The following HEATR3 variants were observed in gnomAD, a reference collection of about 807,000 sequenced individuals.
HEATR3 encodes HEAT repeat containing 3, also known as HEAT repeat-containing protein 3.
A neutral mutation model predicts 72.8 loss-of-function variants in HEATR3; 56 were observed. The ratio of observed to expected loss-of-function variants is 0.77; its 90% confidence interval spans 0.62 to 0.96. HEATR3 has a LOEUF of 0.96. Ranked by LOEUF, HEATR3 falls within the 40% of genes least tolerant of loss-of-function variation. HEATR3 has a pLI of 0.00. For missense variants in HEATR3, 747 were observed against 831.4 expected (o/e 0.90, Z 1.25); for synonymous variants, 331 against 318.1 (o/e 1.04, Z -0.43).
chr16:50,096,324 C>CA lies in HEATR3; in HGVS notation c.1599+1552dup, dbSNP rs59995532. ...TAGGCGATAGAGCAAGACTCCGTCT[C>CA]AAAAAAAAAAAAAAAAAAAAACAGA... On this transcript the variant is annotated intron_variant, in intron 12 of 14. Coordinates refer to ENST00000299192, the MANE Select transcript of HEATR3 (RefSeq NM_182922.4). 3.4e-3 allele frequency among the ~76,000 whole-genome samples: 293 copies of CA among 86,752 alleles called. 4 individuals are homozygous for CA. Among genetic ancestry groups the CA allele is most frequent in the African/African-American group, 0.01 (228 of 22,488 alleles). 56.9% of individuals were successfully genotyped at this position (86,752 alleles called of 152,430 possible).
At chr16:50,080,000 G>C (rs1016465033) in intron 7 of HEATR3, 2 of 152,586 alleles carry the variant, frequency 1.3e-5, no homozygotes, top group East Asian at 1.9e-4. Context: ...CACCTGGGGC[G>C]TCATAAAGGA....
chr16:50,084,407 T>C (rs1230723350), intron 9 of HEATR3, 116 bp downstream of exon 9: 2 of 1,324,700 alleles, frequency 1.5e-6, no homozygotes, highest in African/African-American at 2.9e-5. Context: ...GGTGGTAAGA[T>C]CTGAGACAAA....
At chr16:50,089,028 G>C (rs2150615250) in intron 11 of HEATR3, among the ~76,000 whole-genome samples, 1 of 152,280 alleles carries the variant, frequency 6.6e-6, no homozygotes, top group South Asian at 2.1e-4. Flanking sequence ...ACTCAGATAT[G>C]TTTCTCTTGG....
Position 50,070,298 on chromosome 16 carries a change from G to GCC in HEATR3, c.512+9_512+10dup. The GCC allele has an allele frequency of 7.2e-7, 1 of 1,398,520 alleles. No homozygotes were observed. Among genetic ancestry groups the GCC allele is most frequent in the Non-Finnish European group, 1.0e-6 (1 of 986,248 alleles). The allele number at this position is 1,398,520 out of a possible 1,614,324, so 86.6% of individuals were successfully genotyped here. A position where few individuals can be genotyped will look rare whatever the true frequency, so the allele number is the denominator to read the frequency against. On this transcript the variant is annotated intron_variant, in intron 4 of 14. Transcript: ENST00000299192. ...CGTGCTGTGGAATATATGGTAAGAT[G>GCC]CCTACCAAACACAGTCTCCTGCTAT...
At chr16:50,094,393 C>T (rs1189916314) in intron 11 of HEATR3, among the ~76,000 whole-genome samples, 1 of 152,194 alleles carries the variant, frequency 6.6e-6, no homozygotes, top group Non-Finnish European at 1.5e-5. Flanking sequence ...TCTGCAAAAG[C>T]TAGCTTAGGT....
intron 11 of HEATR3, among the ~76,000 whole-genome samples, chr16:50,092,422 T>TTTTTTTTC (rs1555503191): frequency 1.8e-5 from 2 of 111,458 alleles, no homozygotes; most frequent in Non-Finnish European, 1.7e-5. Context: ...GTCATTCTTT[T>TTTTTTTTC]TTTTTTCTTT....
intron 3 of HEATR3, chr16:50,069,294 G>A (rs968685053): frequency 1.8e-5 from 3 of 164,756 alleles, no homozygotes; most frequent in African/African-American, 7.2e-5. Flanking sequence ...ATTACAGTAA[G>A]TTCTCATGTT....
rs1348652132 is a variant in HEATR3, at chr16:50,075,657, C to G, written c.709C>G (p.Leu237Val). Residue 237 changes from leucine to valine, a missense_variant, in exon 6 of 15, where the codon CTG becomes GTG. Physicochemically the swap from Leu to Val is conservative, Grantham distance 32. Coordinates refer to ENST00000299192, the MANE Select transcript of HEATR3 (RefSeq NM_182922.4). ...ATALNMLESA[L>V]LSPVSSMESL... ...AGCATTGAACATGCTGGAATCAGCACTGCTTTCTCCTGTCAGTTCCATGGA... is the reference window on the plus strand; with the variant it reads ...AGCATTGAACATGCTGGAATCAGCAGTGCTTTCTCCTGTCAGTTCCATGGA... The G allele has an allele frequency of 1.2e-6, 2 of 1,613,910 alleles. No individual in the cohort carries two copies. The highest frequency in any genetic ancestry group is 1.7e-6 in the Non-Finnish European group (2 of 1,179,850).
intron 11 of HEATR3, among the ~76,000 whole-genome samples, chr16:50,092,436 C>CTTTTTTCTTTTTTTTTTTTTT: frequency 9.4e-6 from 1 of 106,028 alleles, no homozygotes; most frequent in Non-Finnish European, 1.8e-5. Context: ...TTTCTTTTTT[C>CTTTTTTCTTTTTTTTTTTTTT]TTTTTTTTTT....
intron 11 of HEATR3, 64 bp from the exon 12 acceptor site, chr16:50,094,641 T>C: frequency 1.1e-6 from 1 of 895,424 alleles, no homozygotes. Flanking sequence ...GTTTTGTTTG[T>C]TGCTTCTACA....
At chr16:50,096,256 C>T (rs1597172786) in intron 12 of HEATR3, among the ~76,000 whole-genome samples, 1 of 129,350 alleles carries the variant, frequency 7.7e-6, no homozygotes, top group African/African-American at 2.9e-5. Context: ...ACCTGGGAGG[C>T]GGAAGTTGCA....
chr16:50,090,158 C>G (rs1341504800), intron 11 of HEATR3, among the ~76,000 whole-genome samples: 1 of 152,018 alleles, frequency 6.6e-6, no homozygotes, highest in African/African-American at 2.4e-5. Flanking sequence ...AGTTTAAGAC[C>G]AGCCTGGGCA....
intron 5 of HEATR3, chr16:50,073,805 A>G (rs2036664218): frequency 6.6e-6 from 1 of 152,162 alleles, no homozygotes; most frequent in Non-Finnish European, 1.5e-5. Context: ...CGTTTTTGAA[A>G]TGGATTAGAA....
rs2037499470 is a variant in HEATR3 at position 50,106,971 on chromosome 16, C to A, written c.*1910C>A. Among the ~76,000 whole-genome samples, 2 of 152,046 alleles carry A rather than the reference C, an allele frequency of 1.3e-5. No homozygotes were observed. Among genetic ancestry groups the A allele is most frequent in the Admixed American group, 1.3e-4 (2 of 15,244 alleles). The stretch of plus-strand genomic sequence containing the variant: ...ATACAACACCTCGCTTTATTATGGT[C>A]CTTGCTCATGAATTTTAAGGTATAT... On this transcript the variant is annotated 3_prime_UTR_variant, in exon 15 of 15. Coordinates refer to ENST00000299192, the MANE Select transcript of HEATR3 (RefSeq NM_182922.4).
At chr16:50,083,474 G>A (rs1207012277) in intron 7 of HEATR3, among the ~76,000 whole-genome samples, 2 of 152,152 alleles carry the variant, frequency 1.3e-5, no homozygotes, top group Non-Finnish European at 2.9e-5. Context: ...ATAAGGGCTC[G>A]TTAGTAGTGT....
At chr16:50,096,781 A>G (rs1261104767) in intron 12 of HEATR3, among the ~76,000 whole-genome samples, 1 of 152,252 alleles carries the variant, frequency 6.6e-6, no homozygotes, top group Non-Finnish European at 1.5e-5. Flanking sequence ...CCTGGGCGAC[A>G]GAGGGAGACT....
chr16:50,089,322 G>A (rs773590946), intron 11 of HEATR3, among the ~76,000 whole-genome samples: 3 of 152,090 alleles, frequency 2.0e-5, no homozygotes, highest in Non-Finnish European at 2.9e-5. Context: ...CCTACCACAC[G>A]TTACTGTCAC....
chr16:50,096,997 C>G (rs2037253614), intron 12 of HEATR3, among the ~76,000 whole-genome samples: 2 of 152,182 alleles, frequency 1.3e-5, no homozygotes, highest in South Asian at 2.1e-4. Context: ...TTCAGCATTC[C>G]TCTGTCCCCC....
intron 12 of HEATR3, among the ~76,000 whole-genome samples, chr16:50,096,558 G>A (rs187210716): frequency 2.3e-4 from 35 of 152,272 alleles, no homozygotes; most frequent in Admixed American, 2.2e-3. Context: ...CAGCACTTTG[G>A]GAGGCCAAGG....
Sources: gnomAD v4.1 joint callset for allele counts (sites outside exome capture counted in the v4.1 genomes callset) on GRCh38, gnomAD v4.1.1 for gene constraint, MANE v1.5 for transcripts, NCBI Gene and HGNC (gene_info 2026-07-23, HGNC 2026-07-21) for gene names.